PWWP3A: variants seen among roughly 807,000 people sequenced by gnomAD.
PWWP3A encodes the protein PWWP domain containing 3A, DNA repair factor.
PWWP3A carries 53 observed loss-of-function variants against 79.0 expected under a neutral mutation model. That is an observed-to-expected ratio of 0.67 (90% CI 0.54 to 0.84). The LOEUF (loss-of-function observed/expected upper bound fraction) is 0.84. Ranked by LOEUF, PWWP3A falls within the 40% of genes least tolerant of loss-of-function variation. The pLI is 0.00. For missense variants in PWWP3A, 973 were observed against 948.0 expected (o/e 1.03, Z -0.35); for synonymous variants, 443 against 394.4 (o/e 1.12, Z -1.46).
Position 1,376,568 on chromosome 19 carries a change from C to T in PWWP3A, c.2125C>T (p.Arg709Cys), listed in dbSNP as rs149769533. 1.4e-3 allele frequency: 2,304 copies of T among 1,613,496 alleles called. 35 individuals carry two copies. The South Asian group carries it at 0.017, about 12-fold the overall frequency. The change falls in exon 14 of 14, where the codon CGT becomes TGT. Residue 709 changes from arginine to cysteine, a missense_variant. Physicochemically the swap from Arg to Cys is radical, Grantham distance 180. Transcript: ENST00000591337. ...GCTCCTTGAAGAGCGGAACCGGCGC[C>T]GTCGGTGAGGGAGCAGCCGGCTGTG... ...NQLLEERNRR[R>C]R is the part of the protein sequence containing the mutation.
intron 5 of PWWP3A, 54 bp downstream of exon 5, chr19:1,361,086 G>A (rs1175388222): frequency 4.4e-6 from 6 of 1,358,236 alleles, no homozygotes; most frequent in Admixed American, 3.7e-5. Flanking sequence ...CTGCTCCTCC[G>A]CAGCCAGACT....
Position 1,360,402 on chromosome 19 carries a change from T to A in PWWP3A, c.481T>A (p.Ser161Thr), listed in dbSNP as rs2081984277. ...GAGGCCATGTGTGCAACAAAGCCTGTCAAGTTCGTTCACTTGTGAAAAGGA... is the reference window on the plus strand; with the variant it reads ...GAGGCCATGTGTGCAACAAAGCCTGACAAGTTCGTTCACTTGTGAAAAGGA... ...RRRPCVQQSL[S>T]SSFTCEKDPE... is the part of the protein sequence containing the mutation. Residue 161 changes from serine to threonine, a missense_variant, in exon 5 of 14, where the codon TCA becomes ACA. Ser to Thr is a moderately conservative substitution (Grantham distance 58, BLOSUM62 1). Coordinates refer to ENST00000591337, the MANE Select transcript of PWWP3A (RefSeq NM_001369789.1). The surrounding 1 kb of genome is among the most constrained non-coding windows in gnomAD (Gnocchi z 4.4). 1.9e-6 allele frequency: 3 copies of A among 1,614,094 alleles called. No individual in the cohort carries two copies. The highest frequency in any genetic ancestry group is 2.5e-6 in the Non-Finnish European group (3 of 1,180,032).
chr19:1,355,285 CT>C (rs2081822358), intron 1 of PWWP3A, 150 bp downstream of exon 1: 1 of 153,316 alleles, frequency 6.5e-6, no homozygotes, highest in Non-Finnish European at 1.5e-5. Flanking sequence ...CCCGGACCCC[CT>C]TTTCCGCCCC....
Position 1,369,778 on chromosome 19 carries a change from A to G in PWWP3A, c.1549+132A>G. 9.6e-7 allele frequency: 1 copy of G among 1,046,948 alleles called. No individual in the cohort carries two copies. Among genetic ancestry groups the G allele is most frequent in the Non-Finnish European group, 1.5e-6 (1 of 673,288 alleles). The allele number at this position is 1,046,948 out of a possible 1,614,324, so 64.9% of individuals were successfully genotyped here. ...TGTCCGCAGCCACACAGCATTGTTC[A>G]ACCTCTATGAGGTTTTGATGTGACC... On this transcript the variant is annotated intron_variant, in intron 11 of 13. Coordinates refer to ENST00000591337, the MANE Select transcript of PWWP3A (RefSeq NM_001369789.1). This position sits in a 1 kb window ranked among gnomAD's most constrained non-coding sequence, Gnocchi z 4.0.
intron 6 of PWWP3A, 28 bp from the exon 7 acceptor site, chr19:1,364,481 T>G (rs752504958): frequency 1.3e-5 from 20 of 1,550,698 alleles, no homozygotes; most frequent in African/African-American, 4.2e-5. Flanking sequence ...TTCTTTTTTT[T>G]TTGTTTTTCT....
Position 1,357,040 on chromosome 19 carries a change from A to C in PWWP3A, c.89A>C (p.Asn30Thr), listed in dbSNP as rs747939051. 1 of 1,613,522 alleles carries C rather than the reference A, an allele frequency of 6.2e-7. No homozygotes were observed. Among genetic ancestry groups the C allele is most frequent in the East Asian group, 2.2e-5 (1 of 44,882 alleles). The change falls in exon 3 of 14, where the codon AAT becomes ACT. Residue 30 changes from asparagine (N) to threonine (T), a missense_variant. Transcript: ENST00000591337. ...VLARTATSTK[N>T]KRRKEYFLAV... ...GCCCGAACCGCGACTTCAACAAAAA[A>C]TAAGAGAAGAAAGGAATATTTTCTA...
chr19:1,364,191 A>T (rs748074611), intron 6 of PWWP3A: 1 of 560,772 alleles, frequency 1.8e-6, no homozygotes, highest in Middle Eastern at 2.9e-4. Flanking sequence ...AAAGTCGCGC[A>T]CACATAGGAC....
At chr19:1,363,076 GGGC>G (rs1455759765) in intron 6 of PWWP3A, among the ~76,000 whole-genome samples, 1 of 152,208 alleles carries the variant, frequency 6.6e-6, no homozygotes, top group African/African-American at 2.4e-5. Flanking sequence ...GGAGGTGAGG[GGGC>G]TTCTCACCCG....
intron 3 of PWWP3A, chr19:1,357,676 G>T: frequency 6.6e-6 from 1 of 152,064 alleles, no homozygotes; most frequent in Non-Finnish European, 1.5e-5. Flanking sequence ...CGACGCCCCA[G>T]TCAGTCCTGC....
At position 1,367,163 on chromosome 19, in the gene PWWP3A, C is replaced by T; in HGVS notation, c.1365C>T (p.Phe455=). ...TTTTCCCTCTCTCTGCTTCAAGTTT[C>T]ACAGTGTCTCTTAAAAGTTTAAAGC... ...EGHMNPKMKG[F]TVSLKSLKHF... is the part of the protein sequence containing the mutation. The change falls in exon 9 of 14, where the codon TTC becomes TTT. Residue 455 remains phenylalanine, a synonymous_variant. Transcript: ENST00000591337. 1 of 1,611,798 alleles carries T rather than the reference C, an allele frequency of 6.2e-7. No homozygotes were observed. Among genetic ancestry groups the T allele is most frequent in the Admixed American group, 1.7e-5 (1 of 59,630 alleles).
intron 12 of PWWP3A, 170 bp from the exon 13 acceptor site, chr19:1,372,902 A>G: frequency 1.7e-6 from 1 of 594,356 alleles, no homozygotes; most frequent in Non-Finnish European, 3.0e-6. Context: ...AAGAAACATC[A>G]TTACAAGCAG....
intron 13 of PWWP3A, chr19:1,373,607 G>A (rs1205389119): frequency 1.2e-5 from 2 of 164,262 alleles, no homozygotes; most frequent in African/African-American, 2.4e-5. Context: ...AGCTGCCCTT[G>A]GATGTTTGGC....
Position 1,376,778 on chromosome 19 carries a change from GT to G in PWWP3A, c.*209del. 1 of 490,930 alleles carries G rather than the reference GT, an allele frequency of 2.0e-6. No homozygotes were observed. Among genetic ancestry groups the G allele is most frequent in the South Asian group, 3.3e-5 (1 of 30,354 alleles). The allele number at this position is 490,930 out of a possible 1,614,324, so 30.4% of individuals were successfully genotyped here. ...GAAAGCCAGTTCTCTTTTCCTGGCAGTTTTTTTCATTTTATTTTTGGCATTT... is the reference window on the plus strand; with the variant it reads ...GAAAGCCAGTTCTCTTTTCCTGGCAGTTTTTTCATTTTATTTTTGGCATTT... On this transcript the variant is annotated 3_prime_UTR_variant, in exon 14 of 14. Coordinates refer to ENST00000591337, the MANE Select transcript of PWWP3A (RefSeq NM_001369789.1).
intron 1 of PWWP3A, among the ~76,000 whole-genome samples, chr19:1,355,954 T>A (rs935130311): frequency 4.6e-5 from 7 of 152,138 alleles, no homozygotes; most frequent in African/African-American, 1.7e-4. Context: ...TGGTCAACTG[T>A]TAACTCCCCA....
chr19:1,355,628 C>T (rs1278236969), intron 1 of PWWP3A, among the ~76,000 whole-genome samples: 2 of 147,786 alleles, frequency 1.4e-5, no homozygotes, highest in Non-Finnish European at 3.0e-5. Context: ...TCCTGCAAGC[C>T]GCAACCCTTC....
At chr19:1,356,294 G>A in intron 1 of PWWP3A, 30 bp from the exon 2 acceptor site, 4 of 1,206,768 alleles carry the variant, frequency 3.3e-6, no homozygotes, top group Non-Finnish European at 4.9e-6. Context: ...GCAAACAGTT[G>A]TATAAACCAC....
chr19:1,358,447 C>T lies in PWWP3A; in HGVS notation c.197C>T (p.Ala66Val), dbSNP rs757015666. The change falls in exon 4 of 14, where the codon GCC becomes GTC. Residue 66 changes from alanine to valine, a missense_variant. Physicochemically the swap from Ala to Val is moderately conservative, Grantham distance 64. Transcript: ENST00000591337. The stretch of plus-strand genomic sequence containing the variant: ...ATCCTAGAGAAGTCTCAAATTGAAG[C>T]CATTGCTTCCTCGTTAGGTAAGAGC... ...VEILEKSQIE[A>V]IASSLASQNE... is the part of the protein sequence containing the mutation. 1.2e-6 allele frequency: 2 copies of T among 1,613,898 alleles called. No individual in the cohort carries two copies. The highest frequency in any genetic ancestry group is 2.2e-5 in the East Asian group (1 of 44,902).
At chr19:1,376,291 G>GTTTTTTTTTTTTTTTTTTTTTTTTTT (rs1350699607) in intron 13 of PWWP3A, among the ~76,000 whole-genome samples, 1 of 50,852 alleles carries the variant, frequency 2.0e-5, no homozygotes, top group Admixed American at 2.1e-4. Flanking sequence ...ACGCCCGGCT[G>GTTTTTTTTTTTTTTTTTTTTTTTTTT]TTTGTTTTTT....
At position 1,356,329 on chromosome 19, in the gene PWWP3A, A is replaced by G. The variant is rs141528855; in HGVS notation, c.-64A>G. 4,077 of 1,551,292 alleles carry G rather than the reference A, an allele frequency of 2.6e-3. 93 individuals are homozygous for G. The African/African-American group carries it at 0.048, about 18-fold the overall frequency. Reference sequence around the variant, plus strand: ...CCGTGCAAATTTCGTTCCAGGACACATTGGCGTGAGACCTGGGAGTACGTT... The same window carrying G: ...CCGTGCAAATTTCGTTCCAGGACACGTTGGCGTGAGACCTGGGAGTACGTT... On this transcript the variant is annotated 5_prime_UTR_variant, in exon 2 of 14. Coordinates refer to ENST00000591337, the MANE Select transcript of PWWP3A (RefSeq NM_001369789.1).
Sources: gnomAD v4.1 joint callset for allele counts (sites outside exome capture counted in the v4.1 genomes callset) on GRCh38, gnomAD v4.1.1 for gene constraint, Gnocchi (gnomAD v3.1) non-coding constraint, MANE v1.5 for transcripts, NCBI Gene and HGNC (gene_info 2026-07-23, HGNC 2026-07-21) for gene names.